TGFBR3: variants seen among roughly 807,000 people sequenced by gnomAD.
TGFBR3 encodes transforming growth factor beta receptor type 3.
In TGFBR3, 46 loss-of-function variants were observed where a neutral mutation model predicts 87.9. The observed-to-expected ratio is 0.52, with a 90% CI of 0.41 to 0.67. The LOEUF is 0.67. Among genes scored for constraint, TGFBR3 ranks in the 30% least tolerant of loss-of-function variants. The pLI is 0.00. For missense variants in TGFBR3, 866 were observed against 1,041.9 expected (o/e 0.83, Z 2.32); for synonymous variants, 381 against 391.6 (o/e 0.97, Z 0.32).
intron 2 of TGFBR3, among the ~76,000 whole-genome samples, chr1:91,807,497 G>A (rs954735289): frequency 1.3e-5 from 2 of 152,212 alleles, no homozygotes; most frequent in African/African-American, 4.8e-5. Flanking sequence ...AAATCATGGA[G>A]CAACCATGTT....
In TGFBR3 at chr1:91,683,551, T is replaced by C; in HGVS notation, c.*188A>G. The C allele has an allele frequency of 1.4e-6, 1 of 701,338 alleles. No individual in the cohort carries two copies. The highest frequency in any genetic ancestry group is 1.5e-5 in the South Asian group (1 of 66,694). The allele number at this position is 701,338 out of a possible 1,614,324, so 43.4% of individuals were successfully genotyped here. On this transcript the variant is annotated 3_prime_UTR_variant, in exon 17 of 17. Coordinates refer to ENST00000212355, the MANE Select transcript of TGFBR3 (RefSeq NM_003243.5). Reference sequence around the variant, plus strand: ...TGGTACAGAAGCCCAGGGTCATGTTTATACTAGCCCTGGGTGTGGGGTGAA... The same window carrying C: ...TGGTACAGAAGCCCAGGGTCATGTTCATACTAGCCCTGGGTGTGGGGTGAA...
intron 2 of TGFBR3, among the ~76,000 whole-genome samples, chr1:91,849,343 ACT>A (rs1412500164): frequency 1.3e-5 from 2 of 151,734 alleles, no homozygotes; most frequent in Admixed American, 1.3e-4. Flanking sequence ...CCCTCAGTTA[ACT>A]CTCTGACTTC....
chr1:91,704,372 G>A lies in TGFBR3; in HGVS notation c.2287+4291C>T, dbSNP rs569193631. Among the ~76,000 whole-genome samples, 6 of 151,758 alleles carry A rather than the reference G, an allele frequency of 4.0e-5. No individual in the cohort carries two copies. In the East Asian group the frequency reaches 1.2e-3, roughly 29 times the overall value. Reference sequence around the variant, plus strand: ...AGAAAGAAAGAAAGAAAAGGGAGAAGTGGGGCAGGAAGAGGGGTGTGAAGA... The same window carrying A: ...AGAAAGAAAGAAAGAAAAGGGAGAAATGGGGCAGGAAGAGGGGTGTGAAGA... On this transcript the variant is annotated intron_variant, in intron 14 of 16. Transcript: ENST00000212355.
chr1:91,806,824 G>T (rs1675852448), intron 2 of TGFBR3, among the ~76,000 whole-genome samples: 1 of 152,146 alleles, frequency 6.6e-6, no homozygotes, highest in African/African-American at 2.4e-5. Context: ...TGCAAAGAGG[G>T]ACAAACTCCC....
intron 2 of TGFBR3, among the ~76,000 whole-genome samples, chr1:91,799,353 G>A (rs1410083958): frequency 3.3e-5 from 5 of 152,212 alleles, no homozygotes; most frequent in Admixed American, 6.5e-5. Flanking sequence ...AAGATGTCCC[G>A]AGAGCAACAA....
intron 1 of TGFBR3, among the ~76,000 whole-genome samples, chr1:91,900,238 C>T (rs534502541): frequency 1.8e-4 from 27 of 152,206 alleles, no homozygotes; most frequent in Middle Eastern, 6.8e-3. Context: ...CTCAGCCTCC[C>T]GAGTACCTGG....
At chr1:91,829,981 T>C (rs1676792875) in intron 2 of TGFBR3, 1 of 152,164 alleles carries the variant, frequency 6.6e-6, no homozygotes, top group Non-Finnish European at 1.5e-5. Flanking sequence ...CTGATTGGCA[T>C]AGTGCACTAC....
intron 2 of TGFBR3, among the ~76,000 whole-genome samples, chr1:91,802,508 C>T (rs1675670814): frequency 6.6e-6 from 1 of 151,908 alleles, no homozygotes; most frequent in Non-Finnish European, 1.5e-5. Context: ...TTACAGGCGC[C>T]CGCCATCACA....
chr1:91,861,178 G>C (rs1678173303), intron 2 of TGFBR3, among the ~76,000 whole-genome samples: 1 of 152,022 alleles, frequency 6.6e-6, no homozygotes, highest in Non-Finnish European at 1.5e-5. Context: ...AAGAAGAGAG[G>C]ATCACTTGAG....
At chr1:91,754,356 G>T (rs1023739500) in intron 4 of TGFBR3, among the ~76,000 whole-genome samples, 7 of 152,064 alleles carry the variant, frequency 4.6e-5, no homozygotes, top group Non-Finnish European at 7.4e-5. Flanking sequence ...TTTCAACATG[G>T]CACACTGAGA....
intron 2 of TGFBR3, among the ~76,000 whole-genome samples, chr1:91,813,363 G>C (rs555324606): frequency 6.6e-6 from 1 of 152,238 alleles, no homozygotes; most frequent in East Asian, 1.9e-4. Flanking sequence ...AAGCTTTTCA[G>C]AAGTTCTAAG....
upstream of TGFBR3, among the ~76,000 whole-genome samples, chr1:91,886,842 A>T (rs1279558988): frequency 6.6e-6 from 1 of 151,728 alleles, no homozygotes; most frequent in East Asian, 1.9e-4. Flanking sequence ...CTAGGTCAGC[A>T]TTACCGGCGT....
chr1:91,719,594 A>G (rs1219512857), intron 9 of TGFBR3, 130 bp from the exon 10 acceptor site: 5 of 1,190,652 alleles, frequency 4.2e-6, no homozygotes, highest in South Asian at 3.8e-5. Context: ...CCCTTCCCCA[A>G]GTATCTCTTC....
At chr1:91,741,715 A>T (rs1382587501) in intron 4 of TGFBR3, among the ~76,000 whole-genome samples, 1 of 152,136 alleles carries the variant, frequency 6.6e-6, no homozygotes, top group East Asian at 1.9e-4. Flanking sequence ...GCTGTGTGCC[A>T]GAGGAGGAGA....
chr1:91,717,530 C>T (rs528440053), intron 10 of TGFBR3, among the ~76,000 whole-genome samples: 9 of 152,132 alleles, frequency 5.9e-5, no homozygotes, highest in East Asian at 1.9e-4. Flanking sequence ...AGGGTCATGA[C>T]GCCATAAATG....
intron 4 of TGFBR3, among the ~76,000 whole-genome samples, chr1:91,753,596 G>C (rs1673633179): frequency 6.6e-6 from 1 of 152,008 alleles, no homozygotes; most frequent in Admixed American, 6.6e-5. Flanking sequence ...ATCATTAGTA[G>C]TCATTCCCCA....
chr1:91,755,459 T>C (rs1673707596), intron 4 of TGFBR3, among the ~76,000 whole-genome samples: 1 of 152,182 alleles, frequency 6.6e-6, no homozygotes, highest in Non-Finnish European at 1.5e-5. Context: ...AAAAACCGTT[T>C]TCCCTAAAGG....
chr1:91,688,474 G>A (rs987929698), intron 16 of TGFBR3, among the ~76,000 whole-genome samples: 1 of 152,166 alleles, frequency 6.6e-6, no homozygotes, highest in Non-Finnish European at 1.5e-5. Flanking sequence ...TATTAGTTGT[G>A]TTTCCCTTTA....
intron 1 of TGFBR3, among the ~76,000 whole-genome samples, chr1:91,869,988 G>A (rs1330297655): frequency 1.3e-5 from 2 of 152,106 alleles, no homozygotes; most frequent in Non-Finnish European, 2.9e-5. Context: ...AGGCTAGCAG[G>A]AATAACTTCA....
Sources: allele counts gnomAD v4.1 joint callset (sites outside exome capture counted in the v4.1 genomes callset), GRCh38; gene constraint gnomAD v4.1.1; transcripts MANE v1.5; gene names NCBI Gene and HGNC (gene_info 2026-07-23, HGNC 2026-07-21).